The following SPNS1 variants were observed in gnomAD, a reference collection of about 807,000 sequenced individuals.
SPNS1 encodes SPNS lysolipid transporter 1, lysophospholipid, also known as protein spinster homolog 1.
In SPNS1, 22 loss-of-function variants were observed where a neutral mutation model predicts 50.3. The observed-to-expected ratio is 0.44, with a 90% confidence interval of 0.31 to 0.62. The LOEUF (loss-of-function observed/expected upper bound fraction) is 0.62, where lower values mean the gene tolerates loss of function less well. Among genes scored for constraint, SPNS1 ranks in the 20% least tolerant of loss-of-function variants. SPNS1 has a pLI of 0.07. For synonymous variants in SPNS1, 295 were observed against 317.4 expected, an observed-to-expected ratio of 0.93 and a Z score of 0.75; for missense variants, 576 against 728.6, an observed-to-expected ratio of 0.79 and a Z score of 2.41.
Position 28,974,864 on chromosome 16 carries a change from G to C in SPNS1, c.-288G>C, listed in dbSNP as rs1228738186. Reference sequence around the variant, plus strand: ...CAAGTGCAGCGGGCTCCTACCCCGGGTGAGGGGTGGCCTCCGCGTGGGATC... The same window carrying C: ...CAAGTGCAGCGGGCTCCTACCCCGGCTGAGGGGTGGCCTCCGCGTGGGATC... On this transcript the variant is annotated 5_prime_UTR_variant, in exon 1 of 12. Coordinates refer to ENST00000311008, the MANE Select transcript of SPNS1 (RefSeq NM_032038.3). 9.8e-6 allele frequency: 15 copies of C among 1,535,188 alleles called. No homozygotes were observed. The East Asian group carries it at 2.9e-4, about 30-fold the overall frequency.
rs760219516 is a variant in SPNS1, at chr16:28,981,852, C to A, written c.810-49C>A. 6.2e-7 allele frequency: 1 copy of A among 1,605,464 alleles called. No individual in the cohort carries two copies. The highest frequency in any genetic ancestry group is 8.5e-7 in the Non-Finnish European group (1 of 1,173,770). On this transcript the variant is annotated intron_variant, in intron 6 of 11. Transcript: ENST00000311008. The surrounding 1 kb of genome is among the most constrained non-coding windows in gnomAD (Gnocchi z 4.2). ...AAGGGAGAAGAGAGGTCCCCTCCTGCCTCGACACCTCCGTGGGGTCTTACT... is the reference window on the plus strand; with the variant it reads ...AAGGGAGAAGAGAGGTCCCCTCCTGACTCGACACCTCCGTGGGGTCTTACT...
chr16:28,981,396 C>A lies in SPNS1; in HGVS notation c.664-74C>A. Reference sequence around the variant, plus strand: ...AGGTCTCAGGCTGGAGTTATCTGTACCCCACACTCTCCTCCAGCCCAGGGC... The same window carrying A: ...AGGTCTCAGGCTGGAGTTATCTGTAACCCACACTCTCCTCCAGCCCAGGGC... On this transcript the variant is annotated intron_variant, in intron 5 of 11. Transcript: ENST00000311008. This position sits in a 1 kb window ranked among gnomAD's most constrained non-coding sequence, Gnocchi z 4.2. 6 of 1,584,336 alleles carry A rather than the reference C, an allele frequency of 3.8e-6. No homozygotes were observed. Among genetic ancestry groups the A allele is most frequent in the Non-Finnish European group, 5.2e-6 (6 of 1,158,664 alleles).
chr16:28,984,720 G>A, downstream of SPNS1: 1 of 765,664 alleles, frequency 1.3e-6, no homozygotes, highest in Non-Finnish European at 2.2e-6. Flanking sequence ...GGCTGAGTGT[G>A]ACCGTGAGTC....
chr16:28,983,795 C>T lies in SPNS1; in HGVS notation c.1330C>T (p.Arg444Cys), dbSNP rs375000927. 1.5e-4 allele frequency: 231 copies of T among 1,590,940 alleles called. No individual in the cohort carries two copies. The highest frequency in any genetic ancestry group is 1.9e-4 in the Non-Finnish European group (224 of 1,170,814). ...SPYLIGLISDRLRRNWPPSFL... is the reference protein window; with the variant it reads ...SPYLIGLISDCLRRNWPPSFL... ...TCTCCTCTCCCTGCAGATCTCTGAC[C>T]GCCTGCGCCGGAACTGGCCCCCCTC... Residue 444 changes from arginine (R) to cysteine (C), a missense_variant, in exon 11 of 12, where the codon CGC (arginine) becomes TGC (cysteine). Physicochemically the swap from Arg to Cys is radical, Grantham distance 180. This residue lies in a region of SPNS1 where 428 missense variants were observed against 520.1 expected (regional missense o/e 0.82). Transcript: ENST00000311008. The surrounding 1 kb of genome is among the most constrained non-coding windows in gnomAD (Gnocchi z 5.4).
At chr16:28,979,378 C>T in intron 4 of SPNS1, 27 bp from the exon 5 acceptor site, 4 of 1,614,094 alleles carry the variant, frequency 2.5e-6, no homozygotes, top group South Asian at 2.2e-5. Flanking sequence ...GGCTGTCCCC[C>T]CTTTTTCCCC....
Position 28,983,210 on chromosome 16 carries a change from C to T in SPNS1, c.1240C>T (p.Arg414Ter), listed in dbSNP as rs938678873. The T allele has an allele frequency of 1.3e-5, 21 of 1,613,832 alleles. No homozygotes were observed. Among genetic ancestry groups the T allele is most frequent in the Non-Finnish European group, 1.8e-5 (21 of 1,179,810 alleles). The change falls in exon 10 of 12, where the codon CGA (arginine) becomes TGA (stop). Residue 414 changes from arginine (R) to a stop codon, truncating the protein, a stop_gained. Transcript: ENST00000311008. LOFTEE classifies it high-confidence loss of function. This position sits in a 1 kb window ranked among gnomAD's most constrained non-coding sequence, Gnocchi z 5.4. Reference protein sequence around the residue: ...DILLYVVIPTRRSTAEAFQIV... With the variant: ...DILLYVVIPT ...TCCACAGTACGTGGTGATCCCTACC[C>T]GACGCTCCACCGCCGAGGCCTTCCA...
intron 2 of SPNS1, among the ~76,000 whole-genome samples, chr16:28,976,577 C>T (rs1965352541): frequency 6.7e-6 from 1 of 149,710 alleles, no homozygotes; most frequent in South Asian, 3.1e-4. Flanking sequence ...GTAGTGATAT[C>T]TACAGCTTAT....
Position 28,982,474 on chromosome 16 carries a change from G to T in SPNS1, c.1084G>T (p.Gly362Cys). The stretch of plus-strand genomic sequence containing the variant: ...GGCTGATCCCCTGGTCTGTGCCACT[G>T]GCCTCCTGGGCTCTGCACCCTTCCT... ...PRADPLVCATGLLGSAPFLFL... is the reference protein window; with the variant it reads ...PRADPLVCATCLLGSAPFLFL... The change falls in exon 8 of 12, where the codon GGC becomes TGC. Residue 362 changes from glycine (G) to cysteine (C), a missense_variant. Physicochemically the swap from Gly to Cys is radical, Grantham distance 159. Around this residue, in one of 3 missense-constraint regions of SPNS1, gnomAD observed 428 missense variants for 520.1 expected, o/e 0.82. Transcript: ENST00000311008. 6.2e-7 allele frequency: 1 copy of T among 1,613,838 alleles called. No homozygotes were observed. The highest frequency in any genetic ancestry group is 2.2e-5 in the East Asian group (1 of 44,882).
At position 28,981,430 on chromosome 16, in the gene SPNS1, G is replaced by C; in HGVS notation, c.664-40G>C. 6.2e-7 allele frequency: 1 copy of C among 1,612,698 alleles called. No homozygotes were observed. Among genetic ancestry groups the C allele is most frequent in the Non-Finnish European group, 8.5e-7 (1 of 1,179,326 alleles). On this transcript the variant is annotated intron_variant, in intron 5 of 11. Coordinates refer to ENST00000311008, the MANE Select transcript of SPNS1 (RefSeq NM_032038.3). The surrounding 1 kb of genome is among the most constrained non-coding windows in gnomAD (Gnocchi z 4.2). ...CTCCTCCAGCCCAGGGCTTGAGTGT[G>C]TCTCTCCCTGTGCCTATCCTGAAGC...
At chr16:28,976,575 A>G (rs892723076) in intron 2 of SPNS1, among the ~76,000 whole-genome samples, 1 of 152,218 alleles carries the variant, frequency 6.6e-6, no homozygotes, top group Admixed American at 6.5e-5. Context: ...AGGTAGTGAT[A>G]TCTACAGCTT....
At position 28,982,345 on chromosome 16, in the gene SPNS1, C is replaced by T; in HGVS notation, c.966-11C>T. 1.3e-6 allele frequency: 2 copies of T among 1,558,048 alleles called. No individual in the cohort carries two copies. The highest frequency in any genetic ancestry group is 1.7e-6 in the Non-Finnish European group (2 of 1,147,442). ...AGGGACAAACCCCCCATTCCCTTCC[C>T]TCACCCCTAGTCTCATCTTTGGACT... is the stretch of plus-strand genomic sequence containing the variant. On this transcript the variant is annotated splice_polypyrimidine_tract_variant and intron_variant, in intron 7 of 11. Transcript: ENST00000311008.
At chr16:28,982,768 A>T in intron 8 of SPNS1, 89 bp from the exon 9 acceptor site, 1 of 1,466,868 alleles carries the variant, frequency 6.8e-7, no homozygotes, top group Non-Finnish European at 9.5e-7. Flanking sequence ...GATGAGGATT[A>T]AATTAGTTAA....
rs1395025587 is a variant in SPNS1, at chr16:28,974,898, T to C, written c.-254T>C. 1.3e-6 allele frequency: 2 copies of C among 1,529,246 alleles called. No homozygotes were observed. The highest frequency in any genetic ancestry group is 1.2e-5 in the South Asian group (1 of 83,446). 94.7% of individuals were successfully genotyped at this position (1,529,246 alleles called of 1,614,324 possible). A position where few individuals can be genotyped will look rare whatever the true frequency, so the allele number is the denominator to read the frequency against. On this transcript the variant is annotated 5_prime_UTR_variant, in exon 1 of 12. Coordinates refer to ENST00000311008, the MANE Select transcript of SPNS1 (RefSeq NM_032038.3). ...GGCCTCCGCGTGGGATCGTGCCCTC[T>C]TCAGCCCGCTCCTGTCCCCGACATC...
intron 3 of SPNS1, 131 bp downstream of exon 3, chr16:28,978,175 C>G: frequency 1.6e-6 from 2 of 1,268,070 alleles, no homozygotes; most frequent in Non-Finnish European, 2.2e-6. Context: ...CCATTTTATA[C>G]CCCTCCTTGC....
At chr16:28,982,083 G>A (rs1306675190) in intron 7 of SPNS1, 27 bp downstream of exon 7, 2 of 1,607,346 alleles carry the variant, frequency 1.2e-6, no homozygotes, top group South Asian at 1.1e-5. Flanking sequence ...ATGCTGGGGG[G>A]CCTGCGGGTG....
Position 28,977,018 on chromosome 16 carries a change from G to C in SPNS1, c.308-890G>C, listed in dbSNP as rs1378884149. ...TGGGACAGTTTTCCCATAGGGATAA[G>C]TGTTATGTAACAGAAAACAGTCCAG... On this transcript the variant is annotated intron_variant, in intron 2 of 11. Coordinates refer to ENST00000311008, the MANE Select transcript of SPNS1 (RefSeq NM_032038.3). Among the ~76,000 whole-genome samples, 6 of 152,192 alleles carry C rather than the reference G, an allele frequency of 3.9e-5. 1 individual carries two copies. The highest frequency in any genetic ancestry group is 3.9e-4 in the Admixed American group (6 of 15,274).
Position 28,983,830 on chromosome 16 carries a change from C to G in SPNS1, c.1365C>G (p.Ser455=), listed in dbSNP as rs369963623. 12 of 1,604,124 alleles carry G rather than the reference C, an allele frequency of 7.5e-6. No homozygotes were observed. The highest frequency in any genetic ancestry group is 1.1e-5 in the South Asian group (1 of 90,934). Residue 455 remains serine, a synonymous_variant, in exon 11 of 12, where the codon TCC becomes TCG. Transcript: ENST00000311008. This position sits in a 1 kb window ranked among gnomAD's most constrained non-coding sequence, Gnocchi z 5.4. The part of the protein sequence containing the change: ...LRRNWPPSFL[S]EFRALQFSLM... ...GGAACTGGCCCCCCTCCTTCTTGTCCGAGTTCCGGGCTCTGCAGTTCTCGC... is the reference window on the plus strand; with the variant it reads ...GGAACTGGCCCCCCTCCTTCTTGTCGGAGTTCCGGGCTCTGCAGTTCTCGC...
Position 28,983,106 on chromosome 16 carries a change from G to T in SPNS1, c.1222-86G>T. 1 of 1,295,070 alleles carries T rather than the reference G, an allele frequency of 7.7e-7. No homozygotes were observed. The allele number at this position is 1,295,070 out of a possible 1,614,324, so 80.2% of individuals were successfully genotyped here. On this transcript the variant is annotated intron_variant, in intron 9 of 11. Coordinates refer to ENST00000311008, the MANE Select transcript of SPNS1 (RefSeq NM_032038.3). This position sits in a 1 kb window ranked among gnomAD's most constrained non-coding sequence, Gnocchi z 5.4. Reference sequence around the variant, plus strand: ...CAGGCACACCTCTGACCCCGGCCTAGGCGGATCCTTGGTGGTCTCCTGGCC... The same window carrying T: ...CAGGCACACCTCTGACCCCGGCCTATGCGGATCCTTGGTGGTCTCCTGGCC...
chr16:28,982,452 T>C lies in SPNS1; in HGVS notation c.1062T>C (p.Ala354=), dbSNP rs758603915. The change falls in exon 8 of 12, where the codon GCT becomes GCC. Residue 354 remains alanine, a synonymous_variant. Coordinates refer to ENST00000311008, the MANE Select transcript of SPNS1 (RefSeq NM_032038.3). The part of the protein sequence containing the change: ...SRRLRHSNPR[A]DPLVCATGLL... ...GGCTCCGCCACTCCAACCCCCGGGC[T>C]GATCCCCTGGTCTGTGCCACTGGCC... is the stretch of plus-strand genomic sequence containing the variant. 5.6e-6 allele frequency: 9 copies of C among 1,613,792 alleles called. No homozygotes were observed. Among genetic ancestry groups the C allele is most frequent in the Non-Finnish European group, 5.9e-6 (7 of 1,179,934 alleles).
Sources: gnomAD v4.1 joint callset for allele counts (sites outside exome capture counted in the v4.1 genomes callset) on GRCh38, gnomAD v4.1.1 for gene constraint, gnomAD v4.1.1 regional missense constraint, Gnocchi (gnomAD v3.1) non-coding constraint, MANE v1.5 for transcripts, NCBI Gene and HGNC (gene_info 2026-07-23, HGNC 2026-07-21) for gene names.